RIOK1: variants seen among roughly 807,000 people sequenced by gnomAD.
The protein encoded by RIOK1 is RIO kinase 1.
RIOK1 carries 66 observed loss-of-function variants against 73.5 expected under a neutral mutation model. The observed-to-expected ratio is 0.90, with a 90% CI of 0.74 to 1.10. The LOEUF (loss-of-function observed/expected upper bound fraction) is 1.10, where lower values mean the gene tolerates loss of function less well. Among genes scored for constraint, RIOK1 ranks in the 50% least tolerant of loss-of-function variants. RIOK1 has a pLI of 0.00. For synonymous variants in RIOK1, 224 were observed against 226.8 expected, an observed-to-expected ratio of 0.99 and a Z score of 0.11; for missense variants, 658 against 699.8, an observed-to-expected ratio of 0.94 and a Z score of 0.67.
At chr6:7,393,967 G>C (rs2113498439) in intron 2 of RIOK1, among the ~76,000 whole-genome samples, 1 of 152,280 alleles carries the variant, frequency 6.6e-6, no homozygotes, top group South Asian at 2.1e-4. Context: ...TAATGAGATA[G>C]GAATATGTTT....
chr6:7,415,236 T>C (rs373793121), intron 16 of RIOK1, among the ~76,000 whole-genome samples: 40 of 152,150 alleles, frequency 2.6e-4, no homozygotes, highest in African/African-American at 8.9e-4. Context: ...GTCTGGGCAA[T>C]AGAGTGATAC....
intron 9 of RIOK1, 23 bp from the exon 10 acceptor site, chr6:7,404,395 T>A: frequency 1.2e-6 from 2 of 1,612,554 alleles, no homozygotes; most frequent in Non-Finnish European, 1.7e-6. Flanking sequence ...TTGGTCATTT[T>A]ATCTTAGTTC....
At chr6:7,406,821 C>T (rs371038083) in intron 12 of RIOK1, among the ~76,000 whole-genome samples, 48 of 152,178 alleles carry the variant, frequency 3.2e-4, no homozygotes, top group Non-Finnish European at 5.0e-4. Context: ...CCACTACACC[C>T]GGCTAATTTG....
chr6:7,411,565 A>G (rs1389153441), intron 14 of RIOK1, 114 bp downstream of exon 14: 2 of 1,099,304 alleles, frequency 1.8e-6, no homozygotes, highest in African/African-American at 3.2e-5. Context: ...CTTCTGAGCT[A>G]GTGAAATGAC....
chr6:7,401,571 T>C (rs1403425288), intron 6 of RIOK1, among the ~76,000 whole-genome samples: 2 of 152,030 alleles, frequency 1.3e-5, no homozygotes, highest in East Asian at 1.9e-4. Flanking sequence ...ATAGTTTCTG[T>C]TTTTGTTTTT....
At chr6:7,414,205 T>C in intron 15 of RIOK1, 33 bp from the exon 16 acceptor site, 1 of 1,581,920 alleles carries the variant, frequency 6.3e-7, no homozygotes, top group Non-Finnish European at 8.6e-7. Context: ...TTGTGTGTTG[T>C]TTAGAATAAC....
intron 2 of RIOK1, among the ~76,000 whole-genome samples, chr6:7,394,279 C>T (rs1203395670): frequency 3.3e-5 from 5 of 152,094 alleles, no homozygotes; most frequent in African/African-American, 1.2e-4. Context: ...ACTAAAAACA[C>T]AAAAATTAGC....
intron 2 of RIOK1, among the ~76,000 whole-genome samples, chr6:7,394,127 C>T (rs1388596719): frequency 6.6e-6 from 1 of 152,174 alleles, no homozygotes; most frequent in Non-Finnish European, 1.5e-5. Context: ...AGCAGTCTTC[C>T]TTTGACCATT....
chr6:7,389,930 C>A lies in RIOK1; in HGVS notation c.-73C>A, dbSNP rs1252072511. ...GATATCCACGCCAAGGCCTTTGGAT[C>A]GGCCGTGGGTACATCCGTCTGAGCC... On this transcript the variant is annotated 5_prime_UTR_variant, in exon 1 of 17. It introduces an in-frame stop codon into an upstream open reading frame of the 5' UTR. Coordinates refer to ENST00000379834, the MANE Select transcript of RIOK1 (RefSeq NM_031480.3). 9 of 1,215,870 alleles carry A rather than the reference C, an allele frequency of 7.4e-6. No homozygotes were observed. Among genetic ancestry groups the A allele is most frequent in the Non-Finnish European group, 1.0e-5 (9 of 861,138 alleles). 75.3% of individuals were successfully genotyped at this position (1,215,870 alleles called of 1,614,324 possible).
intron 1 of RIOK1, 104 bp downstream of exon 1, chr6:7,390,177 A>G: frequency 1.1e-6 from 1 of 927,468 alleles, no homozygotes; most frequent in Non-Finnish European, 1.6e-6. Flanking sequence ...CTAGTGGTTC[A>G]TCACTCAGCG....
chr6:7,398,791 C>G (rs1412541927), intron 5 of RIOK1, 51 bp downstream of exon 5: 1 of 1,434,722 alleles, frequency 7.0e-7, no homozygotes, highest in Non-Finnish European at 9.8e-7. Flanking sequence ...CATTTCTTCT[C>G]TCTTTGAATT....
intron 1 of RIOK1, among the ~76,000 whole-genome samples, chr6:7,392,178 T>A (rs939837496): frequency 3.4e-5 from 5 of 147,380 alleles, no homozygotes; most frequent in South Asian, 2.1e-4. Flanking sequence ...TACACAGAAA[T>A]CCAGACTTAC....
chr6:7,400,743 G>T (rs1358276257), intron 5 of RIOK1, among the ~76,000 whole-genome samples: 18 of 152,294 alleles, frequency 1.2e-4, no homozygotes, highest in Non-Finnish European at 1.5e-5. Flanking sequence ...GGATGAACTT[G>T]CTAGTTGGTT....
chr6:7,417,538 G>T lies in RIOK1; in HGVS notation c.*97G>T, dbSNP rs1762039321. Reference sequence around the variant, plus strand: ...GAAGATGGCTTATTGGTTTTAACCAGATTGTCATCGTGGCACTGTCTGTGA... The same window carrying T: ...GAAGATGGCTTATTGGTTTTAACCATATTGTCATCGTGGCACTGTCTGTGA... On this transcript the variant is annotated 3_prime_UTR_variant, in exon 17 of 17. Transcript: ENST00000379834. 5.7e-6 allele frequency: 4 copies of T among 702,780 alleles called. No individual in the cohort carries two copies. Among genetic ancestry groups the T allele is most frequent in the Non-Finnish European group, 9.3e-6 (4 of 428,594 alleles). The allele number at this position is 702,780 out of a possible 1,614,324, so 43.5% of individuals were successfully genotyped here.
chr6:7,412,837 T>C, intron 14 of RIOK1, 52 bp from the exon 15 acceptor site: 1 of 954,030 alleles, frequency 1.0e-6, no homozygotes, highest in Non-Finnish European at 1.6e-6. Context: ...GCATATTTCA[T>C]TGTCTAGTTT....
At chr6:7,400,616 T>A (rs1326546335) in intron 5 of RIOK1, among the ~76,000 whole-genome samples, 1 of 152,248 alleles carries the variant, frequency 6.6e-6, no homozygotes, top group Non-Finnish European at 1.5e-5. Flanking sequence ...CTGTTTACTT[T>A]CAGTGTAGTG....
Position 7,398,696 on chromosome 6 carries a change from A to G in RIOK1, c.438-2A>G, listed in dbSNP as rs1478958352. 6.2e-7 allele frequency: 1 copy of G among 1,612,084 alleles called. No homozygotes were observed. The highest frequency in any genetic ancestry group is 1.1e-5 in the South Asian group (1 of 90,698). ...CAACTATACGTTTTTGTTTTTGGTT[A>G]GGTATCGCATCAAAGATAAGGCAGA... is the stretch of plus-strand genomic sequence containing the variant. On this transcript the variant is annotated splice_acceptor_variant, in intron 4 of 16. Transcript: ENST00000379834. LOFTEE classifies it high-confidence loss of function.
intron 5 of RIOK1, among the ~76,000 whole-genome samples, chr6:7,400,630 A>G (rs1360267919): frequency 6.6e-6 from 1 of 152,266 alleles, no homozygotes; most frequent in Non-Finnish European, 1.5e-5. Context: ...TGTAGTGACT[A>G]GAACAATGTA....
intron 2 of RIOK1, 169 bp from the exon 3 acceptor site, chr6:7,394,884 A>G: frequency 1.1e-6 from 1 of 914,236 alleles, no homozygotes; most frequent in South Asian, 1.6e-5. Flanking sequence ...TCTGTTTCAA[A>G]TGCTCTTTAA....
Sources: allele counts gnomAD v4.1 joint callset (sites outside exome capture counted in the v4.1 genomes callset), GRCh38; gene constraint gnomAD v4.1.1; transcripts MANE v1.5; gene names NCBI Gene and HGNC (gene_info 2026-07-23, HGNC 2026-07-21).